Variants in ATP11B observed in about 807,000 individuals in gnomAD.
ATP11B encodes the protein phospholipid-transporting ATPase IF.
Under a neutral mutation model 157.8 loss-of-function variants are expected in ATP11B, and 81 were observed. The ratio of observed to expected loss-of-function variants is 0.51; its 90% CI spans 0.43 to 0.62. The LOEUF is 0.62. ATP11B is among the 20% of genes least tolerant of loss of function. The pLI, the probability that ATP11B is intolerant of heterozygous loss-of-function variation, is 0.00. For synonymous variants in ATP11B, 451 were observed against 469.4 expected (o/e 0.96, Z 0.51); for missense variants, 1,165 against 1,402.2 (o/e 0.83, Z 2.70).
rs777808356 is a variant in ATP11B, at chr3:182,887,578, C to G, written c.2716-8C>G. On this transcript the variant is annotated splice_polypyrimidine_tract_variant and splice_region_variant and intron_variant, in intron 23 of 29. Transcript: ENST00000323116. ...AAACTCAACATTCCTACCAATTTCTCTTTCTAGACATTGTATGACAGCGTG... is the reference window on the plus strand; with the variant it reads ...AAACTCAACATTCCTACCAATTTCTGTTTCTAGACATTGTATGACAGCGTG... 2.4e-5 allele frequency: 39 copies of G among 1,602,572 alleles called. No homozygotes were observed. The Admixed American group carries it at 6.6e-4, about 27-fold the overall frequency.
chr3:182,824,526 A>G (rs1300631178), intron 2 of ATP11B, among the ~76,000 whole-genome samples: 1 of 152,208 alleles, frequency 6.6e-6, no homozygotes, highest in Non-Finnish European at 1.5e-5. Context: ...TTAAAATGTA[A>G]TCTTTATAAT....
intron 18 of ATP11B, among the ~76,000 whole-genome samples, chr3:182,873,413 C>T (rs901606458): frequency 2.0e-5 from 3 of 152,094 alleles, no homozygotes; most frequent in Non-Finnish European, 4.4e-5. Flanking sequence ...TTTCTACAGT[C>T]TGATTTTTTA....
chr3:182,896,763 A>T lies in ATP11B; in HGVS notation c.3046A>T (p.Lys1016Ter). 1 of 1,612,136 alleles carries T rather than the reference A, an allele frequency of 6.2e-7. No homozygotes were observed. The highest frequency in any genetic ancestry group is 8.5e-7 in the Non-Finnish European group (1 of 1,178,510). Reference protein sequence around the residue: ...FTVMVITVTVKMALETHFWTW... With the variant: ...FTVMVITVTV ...AGTCATGGTTATTACAGTCACAGTA[A>T]AGGTATGGTACTGAAATTAGAAATG... The change falls in exon 26 of 30, where the codon AAG becomes TAG. Residue 1016 changes from lysine (K) to a stop codon, truncating the protein, a stop_gained and splice_region_variant. Coordinates refer to ENST00000323116, the MANE Select transcript of ATP11B (RefSeq NM_014616.3). LOFTEE classifies it high-confidence loss of function.
Position 182,857,295 on chromosome 3 carries a change from G to A in ATP11B, c.852-583G>A, listed in dbSNP as rs558140535. 9.2e-5 allele frequency among the ~76,000 whole-genome samples: 14 copies of A among 152,130 alleles called. No homozygotes were observed. The South Asian group carries it at 2.7e-3, about 29-fold the overall frequency. The stretch of plus-strand genomic sequence containing the variant: ...TGAGTAGCTGGGAATACAGGCGCCC[G>A]TCACCACGCCCAGCTAATTTTTTTT... On this transcript the variant is annotated intron_variant, in intron 10 of 29. Coordinates refer to ENST00000323116, the MANE Select transcript of ATP11B (RefSeq NM_014616.3).
intron 29 of ATP11B, chr3:182,915,464 A>G: frequency 1.0e-6 from 1 of 984,986 alleles, no homozygotes; most frequent in Non-Finnish European, 1.2e-6. Flanking sequence ...AAAGAGCTTG[A>G]TTTATAATAC....
In ATP11B at chr3:182,916,637, ATAGAAAGTAATATG is replaced by A. The variant is rs572075943; in HGVS notation, c.3453-1382_3453-1369del. The A allele has an allele frequency of 6.6e-5, 65 of 983,658 alleles. No individual in the cohort carries two copies. In the East Asian group the frequency reaches 6.7e-3, roughly 101 times the overall value. 60.9% of individuals were successfully genotyped at this position (983,658 alleles called of 1,614,324 possible). A position where few individuals can be genotyped will look rare whatever the true frequency, so the allele number is the denominator to read the frequency against. On this transcript the variant is annotated intron_variant, in intron 29 of 29. Coordinates refer to ENST00000323116, the MANE Select transcript of ATP11B (RefSeq NM_014616.3). ...TATCCTCATCAAAACTATCTTCTAA[ATAGAAAGTAATATG>A]TAGTTCAAGTGTTTAATGTTCTGTC...
chr3:182,901,993 C>G (rs1438628434), intron 28 of ATP11B, among the ~76,000 whole-genome samples: 1 of 152,104 alleles, frequency 6.6e-6, no homozygotes, highest in African/African-American at 2.4e-5. Flanking sequence ...GTCTCTACTT[C>G]TACTCAGGGA....
chr3:182,845,617 A>AT, intron 9 of ATP11B, 95 bp downstream of exon 9: 1 of 728,368 alleles, frequency 1.4e-6, no homozygotes, highest in Non-Finnish European at 2.1e-6. Context: ...TGGTTAGATA[A>AT]TTTATTAATT....
chr3:182,903,522 A>T (rs1724116916), intron 28 of ATP11B, among the ~76,000 whole-genome samples: 1 of 152,200 alleles, frequency 6.6e-6, no homozygotes, highest in South Asian at 2.1e-4. Context: ...TTAAAGATTT[A>T]CTAAACCTTT....
At chr3:182,833,179 T>C (rs1009155912) in intron 4 of ATP11B, among the ~76,000 whole-genome samples, 8 of 152,120 alleles carry the variant, frequency 5.3e-5, no homozygotes, top group African/African-American at 1.9e-4. Context: ...TCATTTTCAA[T>C]TTGGGAATTA....
chr3:182,806,153 G>T (rs73887038), intron 1 of ATP11B, among the ~76,000 whole-genome samples: 3,092 of 152,174 alleles, frequency 0.02, 101 homozygotes, highest in African/African-American at 0.072. Context: ...CTAGATTAAT[G>T]GTTACTTTAG....
chr3:182,853,603 T>A (rs1331667817), intron 10 of ATP11B, among the ~76,000 whole-genome samples: 1 of 152,092 alleles, frequency 6.6e-6, no homozygotes, highest in Non-Finnish European at 1.5e-5. Context: ...AGGAATAAGT[T>A]TTTTTTTAAC....
chr3:182,818,303 T>C (rs1717093489), intron 1 of ATP11B, among the ~76,000 whole-genome samples: 1 of 152,246 alleles, frequency 6.6e-6, no homozygotes, highest in African/African-American at 2.4e-5. Flanking sequence ...TTGAAACTAT[T>C]TGTTCATTCA....
At chr3:182,853,332 C>T (rs1167914051) in intron 10 of ATP11B, among the ~76,000 whole-genome samples, 2 of 152,100 alleles carry the variant, frequency 1.3e-5, no homozygotes, top group East Asian at 1.9e-4. Flanking sequence ...CTCAGCCTCC[C>T]GAGTGGCTGG....
At chr3:182,810,785 G>A (rs1716616025) in intron 1 of ATP11B, among the ~76,000 whole-genome samples, 1 of 152,134 alleles carries the variant, frequency 6.6e-6, no homozygotes, top group African/African-American at 2.4e-5. Context: ...GAGATAAGCA[G>A]CACCTTCTAA....
chr3:182,918,161 A>T lies in ATP11B; in HGVS notation c.*57A>T. The T allele has an allele frequency of 6.2e-7, 1 of 1,607,510 alleles. No individual in the cohort carries two copies. The highest frequency in any genetic ancestry group is 1.7e-5 in the Admixed American group (1 of 59,396). On this transcript the variant is annotated 3_prime_UTR_variant, in exon 30 of 30. Coordinates refer to ENST00000323116, the MANE Select transcript of ATP11B (RefSeq NM_014616.3). ...ACCTCCTTTCCTAAAATTCAGTGTG[A>T]TCACCCTGTTAATGGCCACACTAGC...
intron 28 of ATP11B, among the ~76,000 whole-genome samples, chr3:182,903,354 G>A (rs1179891286): frequency 1.3e-5 from 2 of 151,846 alleles, no homozygotes. Context: ...TATTCTCAAG[G>A]TTTCTAATCT....
chr3:182,812,321 G>A (rs1716719847), intron 1 of ATP11B, among the ~76,000 whole-genome samples: 1 of 152,182 alleles, frequency 6.6e-6, no homozygotes. Context: ...GGGGGAGAAG[G>A]AGGAAGCTCA....
chr3:182,910,768 A>C (rs1724722292), intron 28 of ATP11B, among the ~76,000 whole-genome samples: 1 of 152,226 alleles, frequency 6.6e-6, no homozygotes, highest in Non-Finnish European at 1.5e-5. Flanking sequence ...GTTAAACTAA[A>C]GTGTCAGACA....
Sources: gnomAD v4.1 joint callset for allele counts (sites outside exome capture counted in the v4.1 genomes callset) on GRCh38, gnomAD v4.1.1 for gene constraint, MANE v1.5 for transcripts, NCBI Gene and HGNC (gene_info 2026-07-23, HGNC 2026-07-21) for gene names.